CNTN4: variants seen among roughly 807,000 people sequenced by gnomAD.
CNTN4 encodes the protein contactin 4.
In CNTN4, 77 loss-of-function variants were observed where a neutral mutation model predicts 122.5. The ratio of observed to expected loss-of-function variants is 0.63; its 90% CI spans 0.52 to 0.76. The LOEUF (loss-of-function observed/expected upper bound fraction) is 0.76, where lower values mean the gene tolerates loss of function less well. Ranked by LOEUF, CNTN4 falls within the 30% of genes least tolerant of loss-of-function variation. The pLI is 0.00. For synonymous variants in CNTN4, 512 were observed against 447.0 expected, an observed-to-expected ratio of 1.15 and a Z score of -1.83; for missense variants, 1,256 against 1,259.1, an observed-to-expected ratio of 1.00 and a Z score of 0.04.
At chr3:2,358,097 A>T (rs1479640006) in intron 3 of CNTN4, among the ~76,000 whole-genome samples, 1 of 152,154 alleles carries the variant, frequency 6.6e-6, no homozygotes, top group Non-Finnish European at 1.5e-5. Flanking sequence ...CAACTGCAGC[A>T]AAATCATTTC....
intron 2 of CNTN4, among the ~76,000 whole-genome samples, chr3:2,217,611 T>C (rs566537374): frequency 7.9e-5 from 12 of 152,284 alleles, no homozygotes; most frequent in Admixed American, 2.6e-4. Flanking sequence ...GTGGCCAAGC[T>C]GCAAATGACT....
At position 3,034,575 on chromosome 3, in the gene CNTN4, C is replaced by T. The variant is rs112317965; in HGVS notation, c.1784-57C>T. 0.075 allele frequency: 118,306 copies of T among 1,570,520 alleles called. 5,197 individuals are homozygous for T. The highest frequency in any genetic ancestry group is 0.11 in the Admixed American group (6,705 of 59,862). The stretch of plus-strand genomic sequence containing the variant: ...AATGCCCCATTCAAGTATGTGGCTC[C>T]TTTACTTGGGTGTTTGAATACACTG... On this transcript the variant is annotated intron_variant, in intron 16 of 24. Transcript: ENST00000418658.
intron 3 of CNTN4, among the ~76,000 whole-genome samples, chr3:2,494,132 A>C (rs753233273): frequency 1.1e-4 from 17 of 152,294 alleles, no homozygotes; most frequent in Middle Eastern, 3.4e-3. Context: ...AAGAGAGTCA[A>C]ACTCTGTAAA....
intron 14 of CNTN4, among the ~76,000 whole-genome samples, chr3:3,018,456 C>T (rs1697968259): frequency 6.6e-6 from 1 of 152,052 alleles, no homozygotes; most frequent in African/African-American, 2.4e-5. Context: ...CCCTCCCTTT[C>T]CTGTCTGGCA....
At chr3:2,910,958 A>G (rs1481727800) in intron 12 of CNTN4, among the ~76,000 whole-genome samples, 1 of 152,194 alleles carries the variant, frequency 6.6e-6, no homozygotes. Flanking sequence ...AAAGCACTGT[A>G]GAAAAATTTA....
At chr3:2,372,108 A>G (rs893761155) in intron 3 of CNTN4, among the ~76,000 whole-genome samples, 5 of 152,222 alleles carry the variant, frequency 3.3e-5, no homozygotes, top group African/African-American at 1.2e-4. Context: ...TTAGAATAGG[A>G]AAGTTGCATA....
chr3:2,900,474 G>A (rs916336165), intron 10 of CNTN4, among the ~76,000 whole-genome samples: 2 of 152,170 alleles, frequency 1.3e-5, no homozygotes, highest in African/African-American at 2.4e-5. Context: ...TTTGCATTTA[G>A]CGATTAAAAG....
intron 2 of CNTN4, among the ~76,000 whole-genome samples, chr3:2,272,165 A>C (rs1255738922): frequency 3.8e-5 from 4 of 104,916 alleles, no homozygotes; most frequent in South Asian, 4.1e-4. Context: ...TTAAAATTAC[A>C]AGTTTTTTTT....
Position 2,902,982 on chromosome 3 carries a change from C to G in CNTN4, c.1184C>G (p.Ser395Cys). 11 of 1,613,760 alleles carry G rather than the reference C, an allele frequency of 6.8e-6. No homozygotes were observed. The highest frequency in any genetic ancestry group is 9.3e-6 in the Non-Finnish European group (11 of 1,179,860). Residue 395 changes from serine (S) to cysteine (C), a missense_variant, in exon 12 of 25, where the codon TCC becomes TGC. Physicochemically the swap from Ser to Cys is moderately radical, Grantham distance 112. Transcript: ENST00000418658. The part of the protein sequence containing the change: ...LAENKHGVIF[S>C]NAELSVIAVG... Reference sequence around the variant, plus strand: ...GAGAATAAACATGGAGTTATCTTTTCCAACGCAGAGCTTAGTGTTATAGGT... The same window carrying G: ...GAGAATAAACATGGAGTTATCTTTTGCAACGCAGAGCTTAGTGTTATAGGT...
At chr3:2,468,342 T>G (rs2075574111) in intron 3 of CNTN4, among the ~76,000 whole-genome samples, 1 of 152,158 alleles carries the variant, frequency 6.6e-6, no homozygotes, top group Admixed American at 6.5e-5. Flanking sequence ...GCTACCAGTG[T>G]ATTTCTAGGG....
intron 14 of CNTN4, among the ~76,000 whole-genome samples, chr3:2,994,613 A>ATATATATATATG (rs370506181): frequency 8.9e-4 from 127 of 142,206 alleles, no homozygotes; most frequent in African/African-American, 2.9e-3. Context: ...ATATATATAT[A>ATATATATATATG]TGTGTGTATA....
intron 2 of CNTN4, among the ~76,000 whole-genome samples, chr3:2,127,704 C>G (rs1461415840): frequency 6.6e-6 from 1 of 152,156 alleles, no homozygotes; most frequent in African/African-American, 2.4e-5. Context: ...TTTAGCTGCT[C>G]AGTACCAAGA....
intron 4 of CNTN4, among the ~76,000 whole-genome samples, chr3:2,680,552 G>A (rs1245630492): frequency 1.3e-5 from 2 of 152,106 alleles, no homozygotes; most frequent in Non-Finnish European, 2.9e-5. Context: ...CATAACCGGA[G>A]ATGTGTGCAA....
chr3:2,840,072 T>A (rs1462849019), intron 7 of CNTN4, among the ~76,000 whole-genome samples: 1 of 152,128 alleles, frequency 6.6e-6, no homozygotes, highest in Non-Finnish European at 1.5e-5. Flanking sequence ...TCAAGCCTCC[T>A]CATTATGAGT....
At chr3:2,296,542 G>T (rs1052671605) in intron 2 of CNTN4, among the ~76,000 whole-genome samples, 1 of 152,060 alleles carries the variant, frequency 6.6e-6, no homozygotes, top group African/African-American at 2.4e-5. Flanking sequence ...AACTATTTGA[G>T]TACTAACTGG....
chr3:2,746,184 T>A, intron 6 of CNTN4, among the ~76,000 whole-genome samples: 1 of 108,592 alleles, frequency 9.2e-6, no homozygotes, highest in African/African-American at 3.0e-5. Flanking sequence ...AGAAATACTT[T>A]AACGATAAAG....
chr3:2,146,823 G>A (rs1441538796), intron 2 of CNTN4, among the ~76,000 whole-genome samples: 1 of 152,102 alleles, frequency 6.6e-6, no homozygotes, highest in Non-Finnish European at 1.5e-5. Flanking sequence ...TAGATAATTA[G>A]TAAATATCAG....
chr3:2,287,647 A>T, intron 2 of CNTN4, among the ~76,000 whole-genome samples: 1 of 41,744 alleles, frequency 2.4e-5, no homozygotes, highest in Non-Finnish European at 5.5e-5. Context: ...GAAGAAGAAG[A>T]AGAAGAAGAA....
chr3:2,106,574 C>G (rs6801011), intron 2 of CNTN4, among the ~76,000 whole-genome samples: 78 of 152,268 alleles, frequency 5.1e-4, no homozygotes, highest in African/African-American at 1.9e-3. Context: ...GTGGCTGGGA[C>G]GCAGGGCACC....
Sources: gnomAD v4.1 joint callset for allele counts (sites outside exome capture counted in the v4.1 genomes callset) on GRCh38, gnomAD v4.1.1 for gene constraint, MANE v1.5 for transcripts, NCBI Gene and HGNC (gene_info 2026-07-23, HGNC 2026-07-21) for gene names.